AKT3: variants seen among roughly 807,000 people sequenced by gnomAD.
AKT3 encodes RAC-gamma serine/threonine-protein kinase.
Under a neutral mutation model 65.3 loss-of-function variants are expected in AKT3, and 15 were observed. That is an observed-to-expected ratio of 0.23 (90% CI 0.15 to 0.35). The LOEUF is 0.35. Among genes scored for constraint, AKT3 ranks in the 10% least tolerant of loss-of-function variants. The pLI is 1.00. For missense variants in AKT3, 243 were observed against 576.5 expected (o/e 0.42, Z 5.92); for synonymous variants, 206 against 183.8 (o/e 1.12, Z -0.98).
intron 2 of AKT3, among the ~76,000 whole-genome samples, chr1:243,745,166 G>A (rs1014119635): frequency 2.6e-5 from 4 of 151,726 alleles, no homozygotes; most frequent in African/African-American, 7.3e-5. Flanking sequence ...TGGTAAGCCC[G>A]TCCTCTACGG....
rs542350599 is a variant in AKT3 at position 243,614,998 on chromosome 1, T to G, written c.627+98A>C. 3.5e-6 allele frequency: 3 copies of G among 853,972 alleles called. No homozygotes were observed. In the African/African-American group the frequency reaches 5.2e-5, roughly 15 times the overall value. 52.9% of individuals were successfully genotyped at this position (853,972 alleles called of 1,614,324 possible). On this transcript the variant is annotated intron_variant, in intron 7 of 13. Coordinates refer to ENST00000673466, the MANE Select transcript of AKT3 (RefSeq NM_005465.7). ...CGTTCTTTCCACAAAGAAAATGAGA[T>G]ATCTAAATGAATAGTATTTTTCACA... is the stretch of plus-strand genomic sequence containing the variant.
At chr1:243,694,134 C>G (rs1684903724) in intron 3 of AKT3, among the ~76,000 whole-genome samples, 1 of 152,056 alleles carries the variant, frequency 6.6e-6, no homozygotes, top group Non-Finnish European at 1.5e-5. Flanking sequence ...TCAGCAGATA[C>G]AAGAATTCTG....
At chr1:243,535,654 T>C (rs185710222) in intron 12 of AKT3, among the ~76,000 whole-genome samples, 17 of 152,326 alleles carry the variant, frequency 1.1e-4, no homozygotes, top group African/African-American at 3.8e-4. Flanking sequence ...TGATTCCCTA[T>C]CTTTGCAATT....
chr1:243,637,830 CAA>C, intron 5 of AKT3, 88 bp from the exon 6 acceptor site: 1 of 906,922 alleles, frequency 1.1e-6, no homozygotes, highest in Non-Finnish European at 1.5e-6. Flanking sequence ...AATATCCACT[CAA>C]AACCAAATTT....
intron 12 of AKT3, among the ~76,000 whole-genome samples, chr1:243,516,292 T>A (rs1357021046): frequency 6.6e-6 from 1 of 152,214 alleles, no homozygotes. Context: ...CATAAAGTTA[T>A]ACATAATGCT....
chr1:243,850,711 G>T (rs997388870), upstream of AKT3, among the ~76,000 whole-genome samples: 2 of 151,720 alleles, frequency 1.3e-5, no homozygotes, highest in Admixed American at 1.3e-4. Flanking sequence ...CGCCGCCTCT[G>T]CTCCCCTCCC....
chr1:243,683,021 C>A (rs1684031276), intron 3 of AKT3, among the ~76,000 whole-genome samples: 2 of 152,244 alleles, frequency 1.3e-5, no homozygotes, highest in South Asian at 4.2e-4. Flanking sequence ...ACTATAAATT[C>A]TTTAAAGCCA....
At chr1:243,624,618 G>A in intron 6 of AKT3, 1 of 165,120 alleles carries the variant, frequency 6.1e-6, no homozygotes, top group Admixed American at 6.0e-5. Flanking sequence ...GAGTAAAGAG[G>A]AAAACTAAAG....
At chr1:243,848,692 C>A (rs181335535) in intron 1 of AKT3, among the ~76,000 whole-genome samples, 1 of 152,216 alleles carries the variant, frequency 6.6e-6, no homozygotes, top group Non-Finnish European at 1.5e-5. Flanking sequence ...ACTGTTGAGA[C>A]AACTGCCAAT....
At chr1:243,626,170 A>C (rs540925964) in intron 6 of AKT3, among the ~76,000 whole-genome samples, 1 of 152,304 alleles carries the variant, frequency 6.6e-6, no homozygotes, top group East Asian at 1.9e-4. Flanking sequence ...TGGTCCAAGA[A>C]ATGTGTCAGA....
At chr1:243,757,885 C>T (rs1689237869) in intron 2 of AKT3, among the ~76,000 whole-genome samples, 2 of 151,884 alleles carry the variant, frequency 1.3e-5, no homozygotes, top group African/African-American at 2.4e-5. Flanking sequence ...TTCAGCCTCC[C>T]GAGTAGCTGG....
chr1:243,701,211 G>C (rs964393458), intron 2 of AKT3, among the ~76,000 whole-genome samples: 1 of 152,152 alleles, frequency 6.6e-6, no homozygotes, highest in Non-Finnish European at 1.5e-5. Context: ...CTTTCATCTA[G>C]AATAACTAAG....
intron 2 of AKT3, among the ~76,000 whole-genome samples, chr1:243,706,585 C>T (rs74151203): frequency 3.9e-5 from 6 of 152,140 alleles, no homozygotes; most frequent in African/African-American, 7.2e-5. Context: ...TGCATCAAAC[C>T]GAGAGCTCCA....
Position 243,637,663 on chromosome 1 carries a change from C to T in AKT3, c.509G>A (p.Ser170Asn). The change falls in exon 6 of 14, where the codon AGT (serine) becomes AAT (asparagine). Residue 170 changes from serine to asparagine, a missense_variant. Ser to Asn is a conservative substitution (Grantham distance 46). Transcript: ENST00000673466. ...AATCTTCATAGCATAGTATTTTCCA[C>T]TTGCCTTCTCTCGAACCAAAATAAC... ...GKVILVREKASGKYYAMKILK... is the reference protein window; with the variant it reads ...GKVILVREKANGKYYAMKILK... 1.2e-6 allele frequency: 2 copies of T among 1,608,330 alleles called. No individual in the cohort carries two copies. Among genetic ancestry groups the T allele is most frequent in the Non-Finnish European group, 1.7e-6 (2 of 1,175,968 alleles).
chr1:243,666,280 G>A (rs920551048), intron 3 of AKT3, among the ~76,000 whole-genome samples: 15 of 151,984 alleles, frequency 9.9e-5, no homozygotes, highest in African/African-American at 3.6e-4. Context: ...CTGGGATTAC[G>A]GGCTTGATCC....
At chr1:243,725,583 G>A (rs1168973167) in intron 2 of AKT3, among the ~76,000 whole-genome samples, 2 of 152,160 alleles carry the variant, frequency 1.3e-5, no homozygotes, top group African/African-American at 4.8e-5. Context: ...AGATTTGCAA[G>A]GGTTAAGGGT....
intron 2 of AKT3, among the ~76,000 whole-genome samples, chr1:243,819,524 G>A (rs1469440828): frequency 5.3e-5 from 8 of 152,360 alleles, no homozygotes; most frequent in African/African-American, 1.7e-4. Flanking sequence ...GGGAGAGGCA[G>A]TAGCTGTCTC....
chr1:243,503,217 CGTT>C lies in AKT3; in HGVS notation c.*2029_*2031del. The C allele has an allele frequency of 4.3e-6, 1 of 233,544 alleles. No homozygotes were observed. Among genetic ancestry groups the C allele is most frequent in the Non-Finnish European group, 8.5e-6 (1 of 118,012 alleles). The allele number at this position is 233,544 out of a possible 1,614,324, so 14.5% of individuals were successfully genotyped here. On this transcript the variant is annotated 3_prime_UTR_variant, in exon 14 of 14. Coordinates refer to ENST00000673466, the MANE Select transcript of AKT3 (RefSeq NM_005465.7). ...GTAGAAATATGAAAAAGAAGGATAA[CGTT>C]GATGTCTGAATATGTCTTAGCTGCC... is the stretch of plus-strand genomic sequence containing the variant.
intron 10 of AKT3, 64 bp downstream of exon 10, chr1:243,563,656 A>C: frequency 1.3e-6 from 2 of 1,522,562 alleles, no homozygotes; most frequent in African/African-American, 2.8e-5. Context: ...TTTAATGCTT[A>C]AATGGTTTAC....
Sources: gnomAD v4.1 joint callset for allele counts (sites outside exome capture counted in the v4.1 genomes callset) on GRCh38, gnomAD v4.1.1 for gene constraint, MANE v1.5 for transcripts, NCBI Gene and HGNC (gene_info 2026-07-23, HGNC 2026-07-21) for gene names.